Variants in PC observed in about 807,000 individuals in gnomAD.
The protein encoded by PC is pyruvate carboxylase.
Under a neutral mutation model 107.8 loss-of-function variants are expected in PC, and 46 were observed. The observed-to-expected ratio is 0.43, with a 90% CI of 0.34 to 0.55. PC has a LOEUF of 0.55. Ranked by LOEUF, PC falls within the 20% of genes least tolerant of loss-of-function variation. The pLI is 0.04. For synonymous variants in PC, 662 were observed against 684.7 expected, an observed-to-expected ratio of 0.97 and a Z score of 0.52; for missense variants, 1,241 against 1,643.1, an observed-to-expected ratio of 0.76 and a Z score of 4.23.
Position 66,850,014 on chromosome 11 carries a change from GA to G in PC, c.2820del (p.Arg942AlafsTer27). ...TGCAGGAACTCCACCACGGAGCGGG[GA>G]AAGGACAGCTCTTCCGCCTGAGCTT... Reference protein sequence around the residue: ...EAEAQAEELSFPRSVVEFLQG... With the variant: ...EAEAQAEELSXPRSVVEFLQG... On this transcript the variant is annotated frameshift_variant, in exon 20 of 23. Transcript: ENST00000393960. LOFTEE classifies it high-confidence loss of function. The G allele has an allele frequency of 5.0e-6, 8 of 1,613,670 alleles. No homozygotes were observed. The highest frequency in any genetic ancestry group is 6.8e-6 in the Non-Finnish European group (8 of 1,180,020).
In PC at chr11:66,858,420, C is replaced by A; in HGVS notation, c.1369-5037G>T. 1.3e-6 allele frequency: 2 copies of A among 1,555,246 alleles called. No homozygotes were observed. Among genetic ancestry groups the A allele is most frequent in the Middle Eastern group, 1.7e-4 (1 of 6,006 alleles). On this transcript the variant is annotated intron_variant, in intron 12 of 22. Coordinates refer to ENST00000393960, the MANE Select transcript of PC (RefSeq NM_001040716.2). The surrounding 1 kb of genome is among the most constrained non-coding windows in gnomAD (Gnocchi z 5.9). ...GCGTGATGCAGAGGCCTCTCCCGCC[C>A]CCCTGGTGCTGAGCTTTAGCGGGAA...
Position 66,849,948 on chromosome 11 carries a change from A to C in PC, c.2887T>G (p.Phe963Val), listed in dbSNP as rs765929191. 1 of 1,613,580 alleles carries C rather than the reference A, an allele frequency of 6.2e-7. No homozygotes were observed. The highest frequency in any genetic ancestry group is 8.5e-7 in the Non-Finnish European group (1 of 1,180,026). Residue 963 changes from phenylalanine to valine, a missense_variant, in exon 20 of 23, where the codon TTT becomes GTT. Transcript: ENST00000393960. ...GVPHGGFPEP[F>V]RSKVLKDLPR... ...TGGGCCTTCCCTACCTTAGAGCGAA[A>C]GGGTTCGGGGAACCCCCCATGGGGG...
chr11:66,940,494 C>T (rs1026815986), intron 3 of PC, among the ~76,000 whole-genome samples: 1 of 151,784 alleles, frequency 6.6e-6, no homozygotes, highest in Non-Finnish European at 1.5e-5. Context: ...TCAAGACCAG[C>T]CTGGGCATCA....
intron 3 of PC, among the ~76,000 whole-genome samples, chr11:66,945,955 G>A (rs1434567083): frequency 2.0e-5 from 3 of 150,702 alleles, no homozygotes; most frequent in East Asian, 2.0e-4. Context: ...GCGCGGTGGC[G>A]GGCGCCTGTA....
rs199739517 is a variant in PC, at chr11:66,858,767, C to T, written c.1368+5007G>A. ...ACGGGACCTTAGAGATTGGGGTGACCGGCGCTGGGGACGCTGGGGGCTACA... is the reference window on the plus strand; with the variant it reads ...ACGGGACCTTAGAGATTGGGGTGACTGGCGCTGGGGACGCTGGGGGCTACA... On this transcript the variant is annotated intron_variant, in intron 12 of 22. Transcript: ENST00000393960. The surrounding 1 kb of genome is among the most constrained non-coding windows in gnomAD (Gnocchi z 5.9). 2.6e-5 allele frequency: 40 copies of T among 1,551,226 alleles called. No individual in the cohort carries two copies. Among genetic ancestry groups the T allele is most frequent in the African/African-American group, 2.2e-4 (16 of 73,368 alleles).
At position 66,871,227 on chromosome 11, in the gene PC, T is replaced by C; in HGVS notation, c.488-30A>G. On this transcript the variant is annotated intron_variant, in intron 6 of 22. Coordinates refer to ENST00000393960, the MANE Select transcript of PC (RefSeq NM_001040716.2). The surrounding 1 kb of genome is among the most constrained non-coding windows in gnomAD (Gnocchi z 7.4). ...TGGGAGAAAGGTGTGGGGGAGTCTC[T>C]GTAACAGGCGGGAATCCCTGCCACC... 1.2e-6 allele frequency: 2 copies of C among 1,613,344 alleles called. No homozygotes were observed. The highest frequency in any genetic ancestry group is 1.7e-6 in the Non-Finnish European group (2 of 1,179,490).
At chr11:66,941,042 C>T (rs1323212964) in intron 3 of PC, among the ~76,000 whole-genome samples, 1 of 144,740 alleles carries the variant, frequency 6.9e-6, no homozygotes, top group African/African-American at 2.6e-5. Context: ...TGCCACTGCA[C>T]TCCAGCCTGG....
At chr11:66,881,613 T>C (rs1006993779) in intron 3 of PC, among the ~76,000 whole-genome samples, 7 of 152,370 alleles carry the variant, frequency 4.6e-5, no homozygotes, top group Middle Eastern at 3.4e-3. Context: ...GAGCTCCACC[T>C]GGTGCCCGGC....
Position 66,931,154 on chromosome 11 carries a change from G to T in PC, c.-1+21276C>A, listed in dbSNP as rs573522955. ...AGCACTTTGGGAGGCTGAGGTGGGC[G>T]GATCACCTGAGGTCAGGGGTTCAAG... On this transcript the variant is annotated intron_variant, in intron 3 of 22. Transcript: ENST00000393960. Among the ~76,000 whole-genome samples, 5 of 152,116 alleles carry T rather than the reference G, an allele frequency of 3.3e-5. No homozygotes were observed. In the East Asian group the frequency reaches 9.7e-4, roughly 29 times the overall value.
intron 3 of PC, among the ~76,000 whole-genome samples, chr11:66,896,082 CTT>C (rs1195583572): frequency 6.7e-6 from 1 of 150,224 alleles, no homozygotes; most frequent in South Asian, 2.1e-4. Flanking sequence ...CTGAAATTCT[CTT>C]TTTTTTTTCT....
chr11:66,901,539 G>A (rs781685004), intron 3 of PC, among the ~76,000 whole-genome samples: 1 of 152,044 alleles, frequency 6.6e-6, no homozygotes, highest in Non-Finnish European at 1.5e-5. Flanking sequence ...GCGCGATCTT[G>A]GCTCACTGCA....
intron 3 of PC, among the ~76,000 whole-genome samples, chr11:66,934,874 G>A (rs149047375): frequency 0.022 from 3,317 of 152,218 alleles, 106 homozygotes; most frequent in African/African-American, 0.074. Context: ...CAAAGTGCTG[G>A]GATTACAGGT....
intron 3 of PC, among the ~76,000 whole-genome samples, chr11:66,917,061 T>C (rs569524023): frequency 1.3e-5 from 2 of 152,086 alleles, no homozygotes; most frequent in Non-Finnish European, 2.9e-5. Flanking sequence ...CCTCACCCCA[T>C]GCAGGAATGT....
chr11:66,890,176 C>A (rs529986999), intron 3 of PC, among the ~76,000 whole-genome samples: 1 of 152,276 alleles, frequency 6.6e-6, no homozygotes, highest in South Asian at 2.1e-4. Flanking sequence ...AGAAGCCTCA[C>A]AGAAGAGATC....
At chr11:66,950,482 G>T (rs974432037) in intron 3 of PC, among the ~76,000 whole-genome samples, 1 of 152,172 alleles carries the variant, frequency 6.6e-6, no homozygotes, top group African/African-American at 2.4e-5. Context: ...ACGCCTTCAG[G>T]CATAACACTT....
At chr11:66,948,206 TAA>T (rs905189971) in intron 3 of PC, among the ~76,000 whole-genome samples, 15 of 137,090 alleles carry the variant, frequency 1.1e-4, no homozygotes, top group Admixed American at 1.5e-4. Context: ...GACTCTGTCT[TAA>T]AAAAAAAAAA....
At position 66,858,779 on chromosome 11, in the gene PC, C is replaced by T. The variant is rs768977845; in HGVS notation, c.1368+4995G>A. On this transcript the variant is annotated intron_variant, in intron 12 of 22. Coordinates refer to ENST00000393960, the MANE Select transcript of PC (RefSeq NM_001040716.2). This position sits in a 1 kb window ranked among gnomAD's most constrained non-coding sequence, Gnocchi z 5.9. ...AGATTGGGGTGACCGGCGCTGGGGA[C>T]GCTGGGGGCTACACCTGCATCGCCA... The T allele has an allele frequency of 2.4e-5, 37 of 1,550,130 alleles. No individual in the cohort carries two copies. The highest frequency in any genetic ancestry group is 1.8e-4 in the Admixed American group (9 of 51,076).
chr11:66,920,101 G>C (rs1301345354), intron 3 of PC, among the ~76,000 whole-genome samples: 1 of 152,210 alleles, frequency 6.6e-6, no homozygotes, highest in African/African-American at 2.4e-5. Context: ...AGAGAAGGCT[G>C]TGTAAGTGAT....
In PC at chr11:66,858,417, G is replaced by GC; in HGVS notation, c.1369-5035dup. 2.6e-6 allele frequency: 4 copies of GC among 1,555,012 alleles called. No homozygotes were observed. Among genetic ancestry groups the GC allele is most frequent in the Non-Finnish European group, 3.5e-6 (4 of 1,156,214 alleles). ...TGGGCGTGATGCAGAGGCCTCTCCC[G>GC]CCCCCCTGGTGCTGAGCTTTAGCGG... On this transcript the variant is annotated intron_variant, in intron 12 of 22. Transcript: ENST00000393960. This position sits in a 1 kb window ranked among gnomAD's most constrained non-coding sequence, Gnocchi z 5.9.
Sources: gnomAD v4.1 joint callset for allele counts (sites outside exome capture counted in the v4.1 genomes callset) on GRCh38, gnomAD v4.1.1 for gene constraint, Gnocchi (gnomAD v3.1) non-coding constraint, MANE v1.5 for transcripts, NCBI Gene and HGNC (gene_info 2026-07-23, HGNC 2026-07-21) for gene names.